KATNIP: variants seen among roughly 807,000 people sequenced by gnomAD.
KATNIP encodes katanin interacting protein, also known as katanin-interacting protein.
A neutral mutation model predicts 174.0 loss-of-function variants in KATNIP; 126 were observed. That is an observed-to-expected ratio of 0.72 (90% CI 0.63 to 0.84). KATNIP has a LOEUF of 0.84. KATNIP is among the 40% of genes least tolerant of loss of function. KATNIP has a pLI of 0.00. For missense variants in KATNIP, 1,958 were observed against 2,109.7 expected (o/e 0.93, Z 1.41); for synonymous variants, 810 against 835.7 (o/e 0.97, Z 0.53).
intron 27 of KATNIP, among the ~76,000 whole-genome samples, 159 bp from the exon 28 acceptor site, chr16:27,778,415 G>A (rs553018278): frequency 8.7e-4 from 132 of 152,322 alleles, no homozygotes; most frequent in Middle Eastern, 6.8e-3. Context: ...TGCTCCAGGC[G>A]GAGGGAAGGG....
intron 3 of KATNIP, among the ~76,000 whole-genome samples, chr16:27,618,891 A>G (rs1404337450): frequency 6.6e-6 from 1 of 152,176 alleles, no homozygotes; most frequent in East Asian, 1.9e-4. Context: ...GTTATGCAAA[A>G]ATGGAGTCAT....
chr16:27,735,834 G>C (rs1343856025), intron 14 of KATNIP, among the ~76,000 whole-genome samples: 1 of 152,136 alleles, frequency 6.6e-6, no homozygotes, highest in Non-Finnish European at 1.5e-5. Flanking sequence ...CTCAGATTCT[G>C]TCTCCCAAGA....
At chr16:27,554,660 A>C (rs2089534642) in intron 1 of KATNIP, among the ~76,000 whole-genome samples, 1 of 152,074 alleles carries the variant, frequency 6.6e-6, no homozygotes, top group Non-Finnish European at 1.5e-5. Flanking sequence ...AGCCTAGTAG[A>C]GGGGTATGTT....
At chr16:27,737,169 G>A (rs2080927127) in intron 14 of KATNIP, among the ~76,000 whole-genome samples, 1 of 152,146 alleles carries the variant, frequency 6.6e-6, no homozygotes, top group South Asian at 2.1e-4. Context: ...CTTGAGCCCA[G>A]GGGCTCAAGA....
chr16:27,665,190 A>C (rs1310354086), intron 6 of KATNIP, among the ~76,000 whole-genome samples: 2 of 143,896 alleles, frequency 1.4e-5, no homozygotes, highest in East Asian at 4.0e-4. Context: ...GCAGCAGCGC[A>C]CCTCCTGGGT....
chr16:27,760,752 G>A (rs2081922000), intron 18 of KATNIP, among the ~76,000 whole-genome samples: 2 of 152,134 alleles, frequency 1.3e-5, no homozygotes, highest in Non-Finnish European at 2.9e-5. Flanking sequence ...GGCATCTGGC[G>A]GGGCAAGTGG....
chr16:27,724,633 G>A (rs2080374428), intron 14 of KATNIP, among the ~76,000 whole-genome samples: 1 of 152,162 alleles, frequency 6.6e-6, no homozygotes, highest in Non-Finnish European at 1.5e-5. Flanking sequence ...TCCTGCCAGG[G>A]CACCGCTTAT....
chr16:27,693,392 C>G (rs1480586216), intron 8 of KATNIP, among the ~76,000 whole-genome samples: 1 of 151,928 alleles, frequency 6.6e-6, no homozygotes, highest in African/African-American at 2.4e-5. Flanking sequence ...TTGATTTTTT[C>G]TTTTCTTTTT....
intron 1 of KATNIP, among the ~76,000 whole-genome samples, chr16:27,557,102 G>C (rs921810938): frequency 1.3e-5 from 2 of 151,722 alleles, no homozygotes. Flanking sequence ...GGCGATATGG[G>C]AATTCATTGT....
intron 4 of KATNIP, among the ~76,000 whole-genome samples, chr16:27,629,869 T>C (rs1596993100): frequency 1.3e-5 from 2 of 152,180 alleles, no homozygotes; most frequent in South Asian, 4.1e-4. Flanking sequence ...CAAAAGTAGC[T>C]GGGCATGGTG....
chr16:27,749,875 C>T lies in KATNIP; in HGVS notation c.2915C>T (p.Pro972Leu). The change falls in exon 16 of 28, where the codon CCT (proline) becomes CTT (leucine). Residue 972 changes from proline to leucine, a missense_variant. Pro to Leu is a moderately conservative substitution (Grantham distance 98). Transcript: ENST00000261588. The part of the protein sequence containing the change: ...AGGDFKIPVL[P>L]YGQRLVIDIK... The stretch of plus-strand genomic sequence containing the variant: ...GGTGACTTTAAAATCCCCGTCTTGC[C>T]TTATGGACAGCGCTTGGTCATTGAC... 6.2e-7 allele frequency: 1 copy of T among 1,614,166 alleles called. No individual in the cohort carries two copies. The highest frequency in any genetic ancestry group is 1.1e-5 in the South Asian group (1 of 91,084).
intron 8 of KATNIP, among the ~76,000 whole-genome samples, chr16:27,693,872 A>G (rs939741412): frequency 9.8e-5 from 15 of 152,318 alleles, no homozygotes; most frequent in African/African-American, 3.6e-4. Flanking sequence ...AATAAAATTC[A>G]GGGGATTTCA....
chr16:27,738,851 G>A (rs1391506858), intron 14 of KATNIP, among the ~76,000 whole-genome samples: 4 of 152,160 alleles, frequency 2.6e-5, no homozygotes, highest in East Asian at 1.9e-4. Context: ...GTGCTCGTGG[G>A]GTGCTCTGCC....
At chr16:27,702,890 G>A (rs746639458) in intron 11 of KATNIP, among the ~76,000 whole-genome samples, 1 of 152,198 alleles carries the variant, frequency 6.6e-6, no homozygotes, top group South Asian at 2.1e-4. Context: ...AAGGCCGCCC[G>A]GTGCAGTGGC....
intron 1 of KATNIP, among the ~76,000 whole-genome samples, chr16:27,559,549 TGACACA>T (rs985628790): frequency 2.0e-4 from 31 of 151,740 alleles, no homozygotes; most frequent in Non-Finnish European, 3.7e-4. Flanking sequence ...TTGGGCATGT[TGACACA>T]TGCCTGTGGT....
chr16:27,651,668 C>T (rs375722360), intron 6 of KATNIP, among the ~76,000 whole-genome samples: 20 of 152,250 alleles, frequency 1.3e-4, no homozygotes, highest in African/African-American at 4.6e-4. Flanking sequence ...CCCTCCACCC[C>T]GTTGACTTGT....
At chr16:27,609,378 CTTTTTTTTTTTTTTTT>C (rs35339029) in intron 2 of KATNIP, among the ~76,000 whole-genome samples, 3 of 55,634 alleles carry the variant, frequency 5.4e-5, no homozygotes, top group Admixed American at 2.7e-4. Context: ...TGAGTTAAGT[CTTTTTTTTTTTTTTTT>C]TTTTTTTTTT....
chr16:27,645,878 C>T (rs900163364), intron 5 of KATNIP, among the ~76,000 whole-genome samples: 3 of 152,158 alleles, frequency 2.0e-5, no homozygotes, highest in Non-Finnish European at 2.9e-5. Context: ...ACCTGGATCT[C>T]GTGGCCATCC....
intron 2 of KATNIP, among the ~76,000 whole-genome samples, chr16:27,610,406 T>C (rs2075857536): frequency 6.6e-6 from 1 of 152,186 alleles, no homozygotes; most frequent in Admixed American, 6.5e-5. Context: ...CCTAGGGATC[T>C]AATTCAGACA....
Sources: allele counts gnomAD v4.1 joint callset (sites outside exome capture counted in the v4.1 genomes callset), GRCh38; gene constraint gnomAD v4.1.1; transcripts MANE v1.5; gene names NCBI Gene and HGNC (gene_info 2026-07-23, HGNC 2026-07-21).